The following SYCP2L variants were observed in gnomAD, a reference collection of about 807,000 sequenced individuals.
The protein encoded by SYCP2L is synaptonemal complex protein 2 like.
In SYCP2L, 98 loss-of-function variants were observed where a neutral mutation model predicts 125.8. That is an observed-to-expected ratio of 0.78 (90% CI 0.66 to 0.92). The LOEUF (loss-of-function observed/expected upper bound fraction) is 0.92, where lower values mean the gene tolerates loss of function less well. SYCP2L is among the 40% of genes least tolerant of loss of function. SYCP2L has a pLI of 0.00. For synonymous variants in SYCP2L, 317 were observed against 325.4 expected, an observed-to-expected ratio of 0.97 and a Z score of 0.28; for missense variants, 842 against 936.4, an observed-to-expected ratio of 0.90 and a Z score of 1.32.
intron 21 of SYCP2L, among the ~76,000 whole-genome samples, chr6:10,939,977 A>G (rs1781184828): frequency 6.6e-6 from 1 of 152,232 alleles, no homozygotes; most frequent in African/African-American, 2.4e-5. Context: ...TATTCAAAAT[A>G]ACTTCCACAA....
chr6:10,966,274 T>C (rs1036689929), intron 29 of SYCP2L, among the ~76,000 whole-genome samples: 1 of 152,204 alleles, frequency 6.6e-6, no homozygotes, highest in Non-Finnish European at 1.5e-5. Context: ...TACTAATACA[T>C]TAATTACCAG....
At chr6:10,930,230 TTTGC>T in intron 18 of SYCP2L, 136 bp from the exon 19 acceptor site, 1 of 797,868 alleles carries the variant, frequency 1.3e-6, no homozygotes, top group Non-Finnish European at 1.9e-6. Context: ...TCCATACTTC[TTTGC>T]TTTTATATTA....
intron 20 of SYCP2L, 117 bp from the exon 21 acceptor site, chr6:10,934,941 A>T (rs970040278): frequency 3.1e-6 from 3 of 960,450 alleles, no homozygotes; most frequent in Middle Eastern, 3.3e-4. Flanking sequence ...TTTATTTTCA[A>T]ATGGAGTAAA....
intron 10 of SYCP2L, among the ~76,000 whole-genome samples, chr6:10,907,892 G>GTTTTTGTTTTTTTTTTTTTTTTTT (rs1780526669): frequency 1.1e-5 from 1 of 91,922 alleles, no homozygotes; most frequent in African/African-American, 4.1e-5. Flanking sequence ...ATACAGATAG[G>GTTTTTGTTTTTTTTTTTTTTTTTT]TTTTTTTTTT....
At chr6:10,919,105 A>G (rs1385574499) in intron 14 of SYCP2L, among the ~76,000 whole-genome samples, 1 of 152,016 alleles carries the variant, frequency 6.6e-6, no homozygotes, top group Middle Eastern at 3.2e-3. Context: ...GTTTGGATCC[A>G]TTGCTGGTGA....
chr6:10,930,346 C>A, intron 18 of SYCP2L, 24 bp from the exon 19 acceptor site: 1 of 1,595,540 alleles, frequency 6.3e-7, no homozygotes, highest in African/African-American at 1.4e-5. Flanking sequence ...TCTAAAAATT[C>A]TCATTTATGA....
chr6:10,920,660 A>G (rs1416820092), intron 14 of SYCP2L, among the ~76,000 whole-genome samples: 3 of 151,968 alleles, frequency 2.0e-5, no homozygotes, highest in Non-Finnish European at 2.9e-5. Flanking sequence ...CATGTGCAGG[A>G]TGTACAGGTT....
At position 10,902,699 on chromosome 6, in the gene SYCP2L, C is replaced by A. The variant is rs771966400; in HGVS notation, c.489C>A (p.Ser163=). Residue 163 remains serine, a synonymous_variant, in exon 7 of 30, where the codon TCC becomes TCA. Transcript: ENST00000283141. ...SSEGKIQMLD[S]FLLSLGFLVT... ...CAGGGAAAATTCAGATGTTGGATTC[C>A]TTCCTACTTAGCTTAGGATTCCTGG... The A allele has an allele frequency of 7.4e-6, 12 of 1,613,684 alleles. No homozygotes were observed. The highest frequency in any genetic ancestry group is 2.2e-5 in the East Asian group (1 of 44,884).
chr6:10,936,817 T>C (rs746283891), intron 21 of SYCP2L, among the ~76,000 whole-genome samples: 2 of 152,156 alleles, frequency 1.3e-5, no homozygotes, highest in Non-Finnish European at 2.9e-5. Context: ...TCAGGCAAAA[T>C]AGACTTTCTG....
chr6:10,933,228 C>A (rs551359318), intron 20 of SYCP2L, among the ~76,000 whole-genome samples: 16 of 152,260 alleles, frequency 1.1e-4, no homozygotes, highest in African/African-American at 3.6e-4. Flanking sequence ...CTGTAAAGGG[C>A]CAGATAGTAA....
At chr6:10,932,364 A>G (rs1297253644) in intron 20 of SYCP2L, among the ~76,000 whole-genome samples, 1 of 152,168 alleles carries the variant, frequency 6.6e-6, no homozygotes, top group Non-Finnish European at 1.5e-5. Flanking sequence ...CTCTCTCAGC[A>G]GTTGGTTTGT....
intron 29 of SYCP2L, among the ~76,000 whole-genome samples, chr6:10,971,539 A>T (rs1025527544): frequency 2.6e-5 from 4 of 151,876 alleles, no homozygotes; most frequent in African/African-American, 9.7e-5. Flanking sequence ...AAAGAGTTAA[A>T]TTTTTTGCTC....
At chr6:10,927,113 C>T (rs1780911726) in intron 16 of SYCP2L, 127 bp from the exon 17 acceptor site, 4 of 1,441,006 alleles carry the variant, frequency 2.8e-6, no homozygotes, top group Admixed American at 2.6e-5. Flanking sequence ...AGGTTTGAGG[C>T]AGGACCTAAT....
chr6:10,962,308 A>ATATATTCCTATGCATAT (rs1781608331), intron 28 of SYCP2L, among the ~76,000 whole-genome samples: 2 of 95,996 alleles, frequency 2.1e-5, no homozygotes, highest in Non-Finnish European at 4.4e-5. Context: ...ATTCCAAAGC[A>ATATATTCCTATGCATAT]AAAAAAAAAA....
At chr6:10,966,307 T>C (rs943540124) in intron 29 of SYCP2L, among the ~76,000 whole-genome samples, 9 of 152,182 alleles carry the variant, frequency 5.9e-5, no homozygotes, top group Non-Finnish European at 1.0e-4. Flanking sequence ...GAAAAATCAT[T>C]TTGATTATCT....
At chr6:10,944,009 G>T (rs1056169372) in intron 23 of SYCP2L, among the ~76,000 whole-genome samples, 2 of 152,154 alleles carry the variant, frequency 1.3e-5, no homozygotes, top group African/African-American at 2.4e-5. Context: ...CCACTATGAA[G>T]AATCATGAAC....
intron 24 of SYCP2L, 143 bp from the exon 25 acceptor site, chr6:10,955,993 G>T: frequency 1.6e-6 from 1 of 620,596 alleles, no homozygotes. Flanking sequence ...CAGAGAGCGA[G>T]GTCATGTCCA....
intron 10 of SYCP2L, among the ~76,000 whole-genome samples, chr6:10,909,591 C>T (rs1317041171): frequency 1.3e-5 from 2 of 152,130 alleles, no homozygotes; most frequent in Non-Finnish European, 1.5e-5. Context: ...TGGGGGGCAG[C>T]AGATTTCTTC....
Position 10,898,050 on chromosome 6 carries a change from T to C in SYCP2L, c.376T>C (p.Ser126Pro), listed in dbSNP as rs746122562. The change falls in exon 5 of 30, where the codon TCG becomes CCG. Residue 126 changes from serine to proline, a missense_variant. Transcript: ENST00000283141. ...WFERTTGILT[S>P]EGLASDTSLI... ...TGAAAGAACAACAGGAATTCTGACC[T>C]CGGAAGGCCTAGCCTCAGACACGTC... The C allele has an allele frequency of 6.2e-7, 1 of 1,614,152 alleles. No homozygotes were observed. The highest frequency in any genetic ancestry group is 1.3e-5 in the African/African-American group (1 of 75,064).
Sources: gnomAD v4.1 joint callset for allele counts (sites outside exome capture counted in the v4.1 genomes callset) on GRCh38, gnomAD v4.1.1 for gene constraint, MANE v1.5 for transcripts, NCBI Gene and HGNC (gene_info 2026-07-23, HGNC 2026-07-21) for gene names.